The following DSCAML1 variants were observed in gnomAD, a reference collection of about 807,000 sequenced individuals.
The protein encoded by DSCAML1 is DS cell adhesion molecule like 1, also known as cell adhesion molecule DSCAML1.
A neutral mutation model predicts 200.5 loss-of-function variants in DSCAML1; 38 were observed. That is an observed-to-expected ratio of 0.19 (90% confidence interval 0.15 to 0.25). DSCAML1 has a LOEUF of 0.25. Ranked by LOEUF, DSCAML1 falls within the 10% of genes least tolerant of loss-of-function variation. DSCAML1 has a pLI of 1.00. For missense variants in DSCAML1, 2,223 were observed against 2,858.8 expected, an observed-to-expected ratio of 0.78 and a Z score of 5.07; for synonymous variants, 1,215 against 1,165.0, an observed-to-expected ratio of 1.04 and a Z score of -0.87.
chr11:117,615,715 A>G (rs930786072), intron 3 of DSCAML1, among the ~76,000 whole-genome samples: 5 of 151,346 alleles, frequency 3.3e-5, no homozygotes, highest in Admixed American at 1.3e-4. Context: ...TTGGGTGGGG[A>G]AAAAAAAATC....
intron 3 of DSCAML1, among the ~76,000 whole-genome samples, chr11:117,754,380 C>T (rs1037447143): frequency 3.9e-5 from 6 of 152,180 alleles, no homozygotes; most frequent in Admixed American, 6.5e-5. Flanking sequence ...ACCTTTATGT[C>T]GAAAGTTCTC....
rs77155002 is a variant in DSCAML1, at chr11:117,805,962, A to G, written c.-250+11428T>C. Among the ~76,000 whole-genome samples, 849 of 152,324 alleles carry G rather than the reference A, an allele frequency of 5.6e-3. 8 individuals are homozygous for G. The highest frequency in any genetic ancestry group is 0.02 in the African/African-American group (818 of 41,566). On this transcript the variant is annotated intron_variant, in intron 1 of 2. Coordinates refer to the DSCAML1 transcript ENST00000525836. The stretch of plus-strand genomic sequence containing the variant: ...GCAGGTGAAGGGCGTCCCAGGTCAC[A>G]TGGCAGAGTCAGGGCTTAGGTCCAG...
intron 1 of DSCAML1, among the ~76,000 whole-genome samples, chr11:117,785,369 C>T (rs1010365964): frequency 1.3e-5 from 2 of 152,052 alleles, no homozygotes; most frequent in African/African-American, 4.8e-5. Context: ...AGCTGGAAGA[C>T]CTGGATAGGT....
At chr11:117,709,199 C>T (rs2053802132) in intron 3 of DSCAML1, among the ~76,000 whole-genome samples, 1 of 152,208 alleles carries the variant, frequency 6.6e-6, no homozygotes, top group South Asian at 2.1e-4. Flanking sequence ...AACAAGTGTG[C>T]ATGGGCTGCC....
chr11:117,684,636 TC>T (rs2053374855), intron 3 of DSCAML1, among the ~76,000 whole-genome samples: 1 of 152,156 alleles, frequency 6.6e-6, no homozygotes, highest in African/African-American at 2.4e-5. Flanking sequence ...GCCCCTCCTG[TC>T]TTTGTGCTAG....
chr11:117,455,341 C>T (rs537168843), intron 19 of DSCAML1, among the ~76,000 whole-genome samples: 3 of 152,330 alleles, frequency 2.0e-5, no homozygotes, highest in South Asian at 2.1e-4. Flanking sequence ...TGACACTAGT[C>T]CTCATTACCC....
chr11:117,535,376 G>A (rs1344887979), intron 3 of DSCAML1, among the ~76,000 whole-genome samples: 2 of 152,146 alleles, frequency 1.3e-5, no homozygotes, highest in Admixed American at 6.5e-5. Flanking sequence ...ATGGGCACTC[G>A]GCCATCTGGC....
At chr11:117,666,706 A>C (rs1165713997) in intron 3 of DSCAML1, among the ~76,000 whole-genome samples, 2 of 152,160 alleles carry the variant, frequency 1.3e-5, no homozygotes, top group Admixed American at 1.3e-4. Context: ...GCAGGAGTGC[A>C]TTGTCTAAAG....
intron 11 of DSCAML1, among the ~76,000 whole-genome samples, chr11:117,485,164 G>T (rs1480000916): frequency 6.6e-6 from 1 of 152,138 alleles, no homozygotes; most frequent in Admixed American, 6.5e-5. Context: ...CACCCCTGAG[G>T]CTATGTACTT....
rs757548299 is a variant in DSCAML1 at position 117,431,073 on chromosome 11, G to T, written c.5375-40C>A. 3.2e-6 allele frequency: 5 copies of T among 1,558,740 alleles called. No individual in the cohort carries two copies. The Admixed American group carries it at 8.8e-5, about 27-fold the overall frequency. ...GGAAAGGGGTGGGTTACGGGGAGGA[G>T]GGTATAAGTGAGACTGACTGAGCAC... On this transcript the variant is annotated intron_variant, in intron 31 of 32. Transcript: ENST00000651296.
chr11:117,453,749 T>TCTTTC lies in DSCAML1; in HGVS notation c.3569-3062_3569-3061insGAAAG, dbSNP rs367920807. Among the ~76,000 whole-genome samples, 357 of 140,400 alleles carry TCTTTC rather than the reference T, an allele frequency of 2.5e-3. 1 individual carries two copies. Among genetic ancestry groups the TCTTTC allele is most frequent in the Non-Finnish European group, 3.8e-3 (244 of 64,316 alleles). 92.1% of individuals were successfully genotyped at this position (140,400 alleles called of 152,430 possible). A position where few individuals can be genotyped will look rare whatever the true frequency, so the allele number is the denominator to read the frequency against. On this transcript the variant is annotated intron_variant, in intron 19 of 32. Coordinates refer to ENST00000651296, the MANE Select transcript of DSCAML1 (RefSeq NM_020693.4). ...GGATTTCTTTCTTTCTTTCTTTCTT[T>TCTTTC]TTTTTTTTTTTTTGAGATAGAGTCT...
chr11:117,627,169 C>T (rs900050688), intron 3 of DSCAML1, among the ~76,000 whole-genome samples: 3 of 152,170 alleles, frequency 2.0e-5, no homozygotes, highest in African/African-American at 7.2e-5. Context: ...TTTTTCTTCT[C>T]TTGCGGATGT....
chr11:117,623,217 T>TTTC (rs1056907459), intron 3 of DSCAML1, among the ~76,000 whole-genome samples: 6 of 12,694 alleles, frequency 4.7e-4, no homozygotes, highest in African/African-American at 1.7e-3. Flanking sequence ...TTTTCTTTTC[T>TTTC]TTTTTTTTTT....
At chr11:117,737,507 A>T (rs2054339508) in intron 3 of DSCAML1, among the ~76,000 whole-genome samples, 1 of 152,194 alleles carries the variant, frequency 6.6e-6, no homozygotes, top group African/African-American at 2.4e-5. Context: ...CAAGACCGGG[A>T]CAGCAGGACA....
chr11:117,455,277 G>A (rs2048350344), intron 19 of DSCAML1, among the ~76,000 whole-genome samples: 1 of 152,182 alleles, frequency 6.6e-6, no homozygotes, highest in Non-Finnish European at 1.5e-5. Context: ...CAGTGCTGCT[G>A]CCCTAGTACA....
chr11:117,747,799 G>T (rs2054542079), intron 3 of DSCAML1, among the ~76,000 whole-genome samples: 1 of 152,166 alleles, frequency 6.6e-6, no homozygotes, highest in Non-Finnish European at 1.5e-5. Flanking sequence ...GCTGTGTGGG[G>T]CAGAGTTTTA....
intron 20 of DSCAML1, among the ~76,000 whole-genome samples, chr11:117,447,912 C>T (rs575925261): frequency 6.6e-6 from 1 of 152,332 alleles, no homozygotes; most frequent in Admixed American, 6.5e-5. Context: ...TATATTTGTG[C>T]AAAGTGATCA....
At chr11:117,517,695 T>C (rs1196381471) in intron 7 of DSCAML1, among the ~76,000 whole-genome samples, 1 of 152,200 alleles carries the variant, frequency 6.6e-6, no homozygotes, top group Non-Finnish European at 1.5e-5. Flanking sequence ...GCCCCTTCCC[T>C]TCCTGCTGTC....
intron 6 of DSCAML1, 56 bp downstream of exon 6, chr11:117,521,073 AG>A (rs2049877592): frequency 6.3e-7 from 1 of 1,583,538 alleles, no homozygotes. Context: ...AGCAGAAGGG[AG>A]GGAATGAGCT....
Sources: allele counts gnomAD v4.1 joint callset (sites outside exome capture counted in the v4.1 genomes callset), GRCh38; gene constraint gnomAD v4.1.1; transcripts MANE v1.5; gene names NCBI Gene and HGNC (gene_info 2026-07-23, HGNC 2026-07-21).